The following PLCH2 variants were observed in gnomAD, a reference collection of about 807,000 sequenced individuals.
PLCH2 encodes 1-phosphatidylinositol 4,5-bisphosphate phosphodiesterase eta-2.
PLCH2 carries 98 observed loss-of-function variants against 134.7 expected under a neutral mutation model. The observed-to-expected ratio is 0.73, with a 90% CI of 0.62 to 0.86. PLCH2 has a LOEUF of 0.86. Ranked by LOEUF, PLCH2 falls within the 40% of genes least tolerant of loss-of-function variation. The pLI is 0.00. For missense variants in PLCH2, 1,994 were observed against 1,986.6 expected (o/e 1.00, Z -0.07); for synonymous variants, 974 against 827.5 (o/e 1.18, Z -3.04).
chr1:2,474,007 G>A (rs1273586211), upstream of PLCH2, among the ~76,000 whole-genome samples: 13 of 152,216 alleles, frequency 8.5e-5, no homozygotes, highest in Admixed American at 8.5e-4. Flanking sequence ...GCCCCTGTGT[G>A]GAACCACAGA....
At chr1:2,472,852 G>A (rs1557986242), upstream of PLCH2, among the ~76,000 whole-genome samples, 1 of 152,144 alleles carries the variant, frequency 6.6e-6, no homozygotes, top group East Asian at 1.9e-4. Context: ...GGCATGTGCA[G>A]TCCCCATGCC....
At chr1:2,450,601 C>T (rs1281918859) in intron 2 of PLCH2, among the ~76,000 whole-genome samples, 1 of 100,314 alleles carries the variant, frequency 1.0e-5, no homozygotes, top group Non-Finnish European at 2.0e-5. Flanking sequence ...CCCACCTGCC[C>T]CCCACTCGGC....
At chr1:2,484,391 C>T (rs1217291955) in intron 4 of PLCH2, 57 bp from the exon 5 acceptor site, 1 of 1,570,748 alleles carries the variant, frequency 6.4e-7, no homozygotes, top group Non-Finnish European at 8.7e-7. Context: ...TGAAGGACCC[C>T]TGTGCATGCA....
chr1:2,457,675 G>C (rs1640561777), intron 2 of PLCH2, among the ~76,000 whole-genome samples: 1 of 152,042 alleles, frequency 6.6e-6, no homozygotes, highest in Non-Finnish European at 1.5e-5. Context: ...GGTTTCCTCA[G>C]TGTCTGACCA....
chr1:2,416,551 G>C, the PLCH2 span, among the ~76,000 whole-genome samples: 8 of 152,310 alleles, frequency 5.3e-5, no homozygotes, highest in African/African-American at 1.7e-4. Flanking sequence ...GTGTGAGCTG[G>C]GGAGGGTGGG....
chr1:2,436,289 T>C (rs372779588), intron 2 of PLCH2, among the ~76,000 whole-genome samples: 6 of 37,660 alleles, frequency 1.6e-4, no homozygotes, highest in Admixed American at 3.2e-4. Context: ...TCCTCCCTCC[T>C]CCTTTCCTCC....
upstream of PLCH2, among the ~76,000 whole-genome samples, chr1:2,476,095 G>A (rs1641600775): frequency 6.6e-6 from 1 of 152,244 alleles, no homozygotes; most frequent in South Asian, 2.1e-4. Context: ...GGTCCCAGGA[G>A]GGCCCTCCCG....
chr1:2,437,626 G>A (rs1413370736), intron 2 of PLCH2, among the ~76,000 whole-genome samples: 1 of 152,178 alleles, frequency 6.6e-6, no homozygotes, highest in Admixed American at 6.5e-5. Context: ...GGCTAAGCAG[G>A]GGCCATAGCC....
chr1:2,478,414 CG>C, intron 1 of PLCH2, 61 bp from the exon 2 acceptor site: 1 of 1,587,502 alleles, frequency 6.3e-7, no homozygotes, highest in Non-Finnish European at 8.6e-7. Flanking sequence ...CGCTGACGGC[CG>C]TGTCTCTCCT....
intron 5 of PLCH2, among the ~76,000 whole-genome samples, chr1:2,486,029 C>T (rs1248310927): frequency 6.6e-6 from 1 of 152,172 alleles, no homozygotes; most frequent in African/African-American, 2.4e-5. Flanking sequence ...GTTGGCTAGA[C>T]CCCACTGTCT....
chr1:2,425,277 A>G (rs923457075), upstream of PLCH2, among the ~76,000 whole-genome samples: 3 of 151,936 alleles, frequency 2.0e-5, no homozygotes, highest in Non-Finnish European at 4.4e-5. Context: ...ATATACACAC[A>G]CATATATACA....
intron 20 of PLCH2, 46 bp downstream of exon 20, chr1:2,499,766 C>A: frequency 7.1e-7 from 1 of 1,414,922 alleles, no homozygotes; most frequent in Non-Finnish European, 9.8e-7. Flanking sequence ...AGGGGCCACA[C>A]CAGCCCCTTG....
intron 1 of PLCH2, among the ~76,000 whole-genome samples, chr1:2,469,147 G>C (rs1261098787): frequency 2.0e-5 from 3 of 152,232 alleles, no homozygotes; most frequent in Non-Finnish European, 4.4e-5. Flanking sequence ...GTTCCTGCCT[G>C]TCTGGCCTGC....
intron 12 of PLCH2, 101 bp from the exon 13 acceptor site, chr1:2,495,387 C>T: frequency 2.0e-6 from 2 of 990,478 alleles, no homozygotes; most frequent in Non-Finnish European, 3.0e-6. Flanking sequence ...GCGTGGGCCG[C>T]TGGGGACCCC....
In PLCH2 at chr1:2,503,397, C is replaced by T. The variant is rs573446397; in HGVS notation, c.2960-525C>T. On this transcript the variant is annotated intron_variant, in intron 21 of 21. Coordinates refer to ENST00000378486, the MANE Select transcript of PLCH2 (RefSeq NM_014638.4). ...GGCAGGTAGTGCAGCTGCTGGGCGT[C>T]TCCTGCGCCCCTGGGACGCCTGGAG... 9 of 589,324 alleles carry T rather than the reference C, an allele frequency of 1.5e-5. No homozygotes were observed. The South Asian group carries it at 1.6e-4, about 11-fold the overall frequency. 36.5% of individuals were successfully genotyped at this position (589,324 alleles called of 1,614,324 possible). A position where few individuals can be genotyped will look rare whatever the true frequency, so the allele number is the denominator to read the frequency against.
chr1:2,436,115 CTCCTCCCT>C (rs1237547244), intron 2 of PLCH2, among the ~76,000 whole-genome samples: 2 of 121,340 alleles, frequency 1.6e-5, no homozygotes, highest in African/African-American at 6.5e-5. Flanking sequence ...TCCTCCTCCC[CTCCTCCCT>C]TCCTCCCTGC....
At chr1:2,490,017 G>A (rs1642484991) in intron 10 of PLCH2, 150 bp downstream of exon 10, 2 of 644,008 alleles carry the variant, frequency 3.1e-6, no homozygotes, top group East Asian at 2.7e-5. Flanking sequence ...GGGGCCTGGG[G>A]GGTCCTCCCT....
chr1:2,464,810 C>T (rs571454781), upstream of PLCH2, among the ~76,000 whole-genome samples: 9 of 152,322 alleles, frequency 5.9e-5, no homozygotes, highest in South Asian at 2.1e-4. Context: ...GGAGACACTG[C>T]GGACTCTGGG....
At chr1:2,418,676 A>G in the PLCH2 span, among the ~76,000 whole-genome samples, 1 of 152,222 alleles carries the variant, frequency 6.6e-6, no homozygotes, top group Admixed American at 6.5e-5. Flanking sequence ...CCCAAGTTCC[A>G]GGGGTGCCGT....
Sources: allele counts gnomAD v4.1 joint callset (sites outside exome capture counted in the v4.1 genomes callset), GRCh38; gene constraint gnomAD v4.1.1; transcripts MANE v1.5; gene names NCBI Gene and HGNC (gene_info 2026-07-23, HGNC 2026-07-21).